Variants in ETV1 observed in about 807,000 individuals in gnomAD.
ETV1 encodes the protein ETS translocation variant 1.
In ETV1, 27 loss-of-function variants were observed where a neutral mutation model predicts 62.3. The ratio of observed to expected loss-of-function variants is 0.43; its 90% CI spans 0.32 to 0.60. The LOEUF (loss-of-function observed/expected upper bound fraction) is 0.60, where lower values mean the gene tolerates loss of function less well. Among genes scored for constraint, ETV1 ranks in the 20% least tolerant of loss-of-function variants. The pLI is 0.06. For synonymous variants in ETV1, 222 were observed against 199.6 expected (o/e 1.11, Z -0.94); for missense variants, 605 against 605.8 (o/e 1.00, Z 0.01).
chr7:13,921,171 G>T (rs1404055759), intron 9 of ETV1, among the ~76,000 whole-genome samples: 1 of 152,140 alleles, frequency 6.6e-6, no homozygotes, highest in Non-Finnish European at 1.5e-5. Context: ...GAGCTGCCAT[G>T]TTTCAGGAGA....
chr7:13,979,683 A>C (rs1781796714), intron 5 of ETV1, among the ~76,000 whole-genome samples: 1 of 152,162 alleles, frequency 6.6e-6, no homozygotes, highest in Non-Finnish European at 1.5e-5. Flanking sequence ...AAATATATCA[A>C]CCACAACAAT....
At chr7:13,905,919 A>G (rs571253893) in intron 12 of ETV1, among the ~76,000 whole-genome samples, 10 of 152,214 alleles carry the variant, frequency 6.6e-5, no homozygotes, top group African/African-American at 2.4e-4. Context: ...GCATCCCTTT[A>G]TCCGCCACAG....
intron 6 of ETV1, among the ~76,000 whole-genome samples, chr7:13,972,208 C>A (rs79167244): frequency 2.6e-5 from 4 of 152,180 alleles, no homozygotes; most frequent in South Asian, 2.1e-4. Flanking sequence ...AGGAGGCCGA[C>A]TTGAGCAGAT....
At chr7:13,964,211 T>C (rs1000953894) in intron 6 of ETV1, among the ~76,000 whole-genome samples, 2 of 152,294 alleles carry the variant, frequency 1.3e-5, no homozygotes, top group Admixed American at 6.5e-5. Flanking sequence ...AAAAGTTCAC[T>C]TCACAGCAGG....
intron 11 of ETV1, among the ~76,000 whole-genome samples, chr7:13,907,540 T>C (rs983967422): frequency 2.7e-5 from 4 of 148,696 alleles, no homozygotes; most frequent in Admixed American, 6.7e-5. Context: ...GTTATATTAA[T>C]TTTACAAAAA....
intron 5 of ETV1, among the ~76,000 whole-genome samples, chr7:13,979,354 A>C (rs1051958058): frequency 2.0e-5 from 3 of 152,070 alleles, no homozygotes; most frequent in Admixed American, 1.3e-4. Flanking sequence ...CGCTCAGTTT[A>C]ATATCTTTAC....
At position 13,989,137 on chromosome 7, in the gene ETV1, A is replaced by C; in HGVS notation, c.-85T>G. 1 of 1,173,852 alleles carries C rather than the reference A, an allele frequency of 8.5e-7. No individual in the cohort carries two copies. Among genetic ancestry groups the C allele is most frequent in the Non-Finnish European group, 1.2e-6 (1 of 816,812 alleles). 72.7% of individuals were successfully genotyped at this position (1,173,852 alleles called of 1,614,324 possible). On this transcript the variant is annotated splice_region_variant and 5_prime_UTR_variant, in exon 3 of 14. Coordinates refer to ENST00000430479, the MANE Select transcript of ETV1 (RefSeq NM_004956.5). ...TTTCCTCAGGATCTGGACTTCTATC[A>C]ACCTAGAGGGGAACAAGATGGCTTT... is the stretch of plus-strand genomic sequence containing the variant.
At chr7:13,946,215 A>G (rs1231645132) in intron 6 of ETV1, among the ~76,000 whole-genome samples, 1 of 152,154 alleles carries the variant, frequency 6.6e-6, no homozygotes, top group Non-Finnish European at 1.5e-5. Context: ...TTCCTCTGGC[A>G]TTCTTCAAAC....
intron 11 of ETV1, among the ~76,000 whole-genome samples, chr7:13,908,012 T>TA (rs1783151003): frequency 6.6e-6 from 1 of 152,170 alleles, no homozygotes; most frequent in Non-Finnish European, 1.5e-5. Context: ...ATGTTTTTTT[T>TA]ATGGGAGTAA....
intron 8 of ETV1, 67 bp from the exon 9 acceptor site, chr7:13,931,816 G>T: frequency 6.4e-7 from 1 of 1,569,360 alleles, no homozygotes; most frequent in South Asian, 1.2e-5. Flanking sequence ...ATACGGATAC[G>T]GTTTTCCATT....
At chr7:13,945,046 G>A (rs550483404) in intron 6 of ETV1, among the ~76,000 whole-genome samples, 1 of 152,152 alleles carries the variant, frequency 6.6e-6, no homozygotes, top group African/African-American at 2.4e-5. Flanking sequence ...CTTCATCTTG[G>A]ATTTCCAGCC....
At chr7:13,988,461 GAAGCATTTACACTTA>G (rs1782748749) in intron 3 of ETV1, 1 of 595,094 alleles carries the variant, frequency 1.7e-6, no homozygotes, top group South Asian at 2.3e-5. Flanking sequence ...AAAACAACCT[GAAGCATTTACACTTA>G]AAGTTGTTTT....
intron 6 of ETV1, among the ~76,000 whole-genome samples, chr7:13,946,184 TTATCTA>T (rs1788140756): frequency 1.3e-5 from 2 of 152,200 alleles, no homozygotes; most frequent in African/African-American, 4.8e-5. Context: ...GTCAGATAAT[TTATCTA>T]GAAAATCTGC....
At chr7:13,936,953 G>C (rs1191363108) in intron 7 of ETV1, among the ~76,000 whole-genome samples, 2 of 152,018 alleles carry the variant, frequency 1.3e-5, no homozygotes, top group Non-Finnish European at 2.9e-5. Context: ...GAGGTGAGAG[G>C]ATCGCTTGAA....
chr7:13,964,829 C>G (rs1404698798), intron 6 of ETV1, among the ~76,000 whole-genome samples: 1 of 151,918 alleles, frequency 6.6e-6, no homozygotes, highest in African/African-American at 2.4e-5. Flanking sequence ...TGCTATTTTC[C>G]CAACACACAG....
In ETV1 at chr7:13,894,145, G is replaced by A. The variant is rs1781577427; in HGVS notation, c.*1721C>T. 8.9e-6 allele frequency: 2 copies of A among 225,784 alleles called. No homozygotes were observed. The highest frequency in any genetic ancestry group is 5.8e-5 in the Admixed American group (1 of 17,182). 14.0% of individuals were successfully genotyped at this position (225,784 alleles called of 1,614,324 possible). Reference sequence around the variant, plus strand: ...TTTACAATAGGTTTATTTTGACTTTGTGTTTAGAATTTTTTTTTTTTTTTG... The same window carrying A: ...TTTACAATAGGTTTATTTTGACTTTATGTTTAGAATTTTTTTTTTTTTTTG... On this transcript the variant is annotated 3_prime_UTR_variant, in exon 14 of 14. Coordinates refer to ENST00000430479, the MANE Select transcript of ETV1 (RefSeq NM_004956.5).
intron 6 of ETV1, among the ~76,000 whole-genome samples, chr7:13,945,399 G>T (rs756213345): frequency 5.9e-5 from 9 of 151,584 alleles, no homozygotes; most frequent in Non-Finnish European, 1.3e-4. Flanking sequence ...TCCATAACAG[G>T]TTCAACCTAT....
At chr7:13,942,252 T>A (rs1171710062) in intron 6 of ETV1, among the ~76,000 whole-genome samples, 5 of 152,058 alleles carry the variant, frequency 3.3e-5, no homozygotes, top group Non-Finnish European at 7.4e-5. Context: ...CTCGATCTCC[T>A]GACCTCGTGA....
intron 13 of ETV1, among the ~76,000 whole-genome samples, chr7:13,898,393 A>G (rs1035733050): frequency 9.8e-5 from 15 of 152,344 alleles, no homozygotes; most frequent in African/African-American, 3.4e-4. Flanking sequence ...ATTAGAAATT[A>G]TCAATTAAGT....
Sources: allele counts gnomAD v4.1 joint callset (sites outside exome capture counted in the v4.1 genomes callset), GRCh38; gene constraint gnomAD v4.1.1; transcripts MANE v1.5; gene names NCBI Gene and HGNC (gene_info 2026-07-23, HGNC 2026-07-21).